The following PTPRM variants were observed in gnomAD, a reference collection of about 807,000 sequenced individuals.
The protein encoded by PTPRM is protein tyrosine phosphatase receptor type M.
In PTPRM, 47 loss-of-function variants were observed where a neutral mutation model predicts 186.7. The observed-to-expected ratio is 0.25, with a 90% CI of 0.20 to 0.32. The LOEUF (loss-of-function observed/expected upper bound fraction) is 0.32, where lower values mean the gene tolerates loss of function less well. Among genes scored for constraint, PTPRM ranks in the 10% least tolerant of loss-of-function variants. The probability of loss-of-function intolerance (pLI) is 1.00; values close to 1 mark genes in which losing one functional copy is unlikely to be tolerated. For missense variants in PTPRM, 1,494 were observed against 1,865.0 expected, an observed-to-expected ratio of 0.80 and a Z score of 3.66; for synonymous variants, 668 against 674.9, an observed-to-expected ratio of 0.99 and a Z score of 0.16.
chr18:7,711,374 A>T (rs183794145), intron 1 of PTPRM, among the ~76,000 whole-genome samples: 2 of 152,298 alleles, frequency 1.3e-5, no homozygotes. Flanking sequence ...ACACCACCAG[A>T]GCCCTGGGTT....
intron 11 of PTPRM, among the ~76,000 whole-genome samples, chr18:8,105,266 A>G (rs994856568): frequency 6.6e-6 from 1 of 152,178 alleles, no homozygotes; most frequent in African/African-American, 2.4e-5. Context: ...CACCACCACC[A>G]CTACCCCCAC....
intron 22 of PTPRM, among the ~76,000 whole-genome samples, chr18:8,324,436 C>G (rs11877698): frequency 0.011 from 1,702 of 152,298 alleles, 11 homozygotes; most frequent in African/African-American, 0.022. Flanking sequence ...AGAAAATGCT[C>G]TCTCTGAATG....
intron 1 of PTPRM, among the ~76,000 whole-genome samples, chr18:7,771,015 G>A: frequency 6.6e-6 from 1 of 152,194 alleles, no homozygotes; most frequent in East Asian, 1.9e-4. Flanking sequence ...CAAGTGATAA[G>A]AACAGCTTTG....
At chr18:7,709,721 T>C (rs1480804758) in intron 1 of PTPRM, among the ~76,000 whole-genome samples, 2 of 152,012 alleles carry the variant, frequency 1.3e-5, no homozygotes, top group Non-Finnish European at 2.9e-5. Flanking sequence ...ACAGGAAATA[T>C]GACAACCGAT....
chr18:7,949,072 C>G, intron 5 of PTPRM, 109 bp from the exon 6 acceptor site: 1 of 1,106,210 alleles, frequency 9.0e-7, no homozygotes, highest in Non-Finnish European at 1.3e-6. Context: ...AGCAACTGCA[C>G]CAAGGTCTGC....
chr18:8,085,985 T>C (rs2090412663), intron 10 of PTPRM, 113 bp downstream of exon 10: 2 of 972,376 alleles, frequency 2.1e-6, no homozygotes, highest in Non-Finnish European at 3.2e-6. Flanking sequence ...TCCAAAGGAA[T>C]ACTCCTGGAT....
intron 2 of PTPRM, among the ~76,000 whole-genome samples, chr18:7,878,320 A>G (rs9958035): frequency 1.3e-5 from 2 of 152,134 alleles, no homozygotes; most frequent in Non-Finnish European, 2.9e-5. Context: ...TAATGTGGAC[A>G]CCGTTTCATT....
chr18:8,251,957 C>T (rs563202309), intron 17 of PTPRM: 2 of 152,762 alleles, frequency 1.3e-5, no homozygotes, highest in Non-Finnish European at 2.9e-5. Flanking sequence ...AATCATAAAA[C>T]TGCTAAAGGG....
chr18:7,658,583 AAAGACGTTTTATTC>A (rs1312577142), intron 1 of PTPRM, among the ~76,000 whole-genome samples: 1 of 151,904 alleles, frequency 6.6e-6, no homozygotes, highest in African/African-American at 2.4e-5. Context: ...CCCTCCTTGT[AAAGACGTTTTATTC>A]AAGGATGGAA....
chr18:7,657,679 G>A (rs2038883533), intron 1 of PTPRM, among the ~76,000 whole-genome samples: 1 of 152,236 alleles, frequency 6.6e-6, no homozygotes, highest in Non-Finnish European at 1.5e-5. Flanking sequence ...CTGGCCTTGT[G>A]CAGGGCATCA....
At chr18:8,039,818 G>T (rs1439784870) in intron 7 of PTPRM, among the ~76,000 whole-genome samples, 1 of 152,106 alleles carries the variant, frequency 6.6e-6, no homozygotes, top group Non-Finnish European at 1.5e-5. Context: ...CAGGATAGAA[G>T]ATTTTTAGAG....
intron 19 of PTPRM, among the ~76,000 whole-genome samples, chr18:8,264,849 C>CTAT (rs961373654): frequency 3.3e-5 from 5 of 151,586 alleles, no homozygotes; most frequent in African/African-American, 1.2e-4. Flanking sequence ...AACCACAATG[C>CTAT]TATTACATTA....
At chr18:8,183,454 G>A (rs1049484822) in intron 14 of PTPRM, among the ~76,000 whole-genome samples, 2 of 152,210 alleles carry the variant, frequency 1.3e-5, no homozygotes, top group South Asian at 2.1e-4. Context: ...AGCTAATGCT[G>A]TGTTGTTTGT....
intron 5 of PTPRM, among the ~76,000 whole-genome samples, chr18:7,946,151 T>C (rs921170279): frequency 3.3e-5 from 5 of 152,206 alleles, no homozygotes; most frequent in African/African-American, 9.6e-5. Context: ...TCTCAGCATA[T>C]GCATAAATCC....
intron 7 of PTPRM, among the ~76,000 whole-genome samples, chr18:7,978,317 T>C (rs1599830109): frequency 6.6e-6 from 1 of 152,246 alleles, no homozygotes; most frequent in African/African-American, 2.4e-5. Context: ...GATATTTATC[T>C]GCCAGGGTCA....
chr18:8,026,578 C>T (rs974318056), intron 7 of PTPRM, among the ~76,000 whole-genome samples: 4 of 151,966 alleles, frequency 2.6e-5, no homozygotes, highest in Middle Eastern at 3.2e-3. Context: ...ATGCTTAAGC[C>T]GGGCACAGTG....
At chr18:7,795,794 TTTTCTTTC>T (rs940127102) in intron 2 of PTPRM, among the ~76,000 whole-genome samples, 3 of 150,214 alleles carry the variant, frequency 2.0e-5, no homozygotes, top group Non-Finnish European at 2.9e-5. Flanking sequence ...TTATCGCATT[TTTTCTTTC>T]TTTCTTTCTT....
chr18:7,644,978 A>G (rs2038528393), intron 1 of PTPRM, among the ~76,000 whole-genome samples: 2 of 152,210 alleles, frequency 1.3e-5, no homozygotes. Flanking sequence ...GCTTACTATT[A>G]AGTATTCAAT....
At chr18:8,375,996 G>A in intron 24 of PTPRM, 50 bp from the exon 25 acceptor site, 1 of 1,555,482 alleles carries the variant, frequency 6.4e-7, no homozygotes, top group South Asian at 1.1e-5. Flanking sequence ...CTTATTTGTG[G>A]TTTGTTTTCC....
Sources: gnomAD v4.1 joint callset for allele counts (sites outside exome capture counted in the v4.1 genomes callset) on GRCh38, gnomAD v4.1.1 for gene constraint, MANE v1.5 for transcripts, NCBI Gene and HGNC (gene_info 2026-07-23, HGNC 2026-07-21) for gene names.